Variants in REDIC1 observed in about 807,000 individuals in gnomAD.
REDIC1 encodes HEI10 Interacting Protein 1.
chr12:39,675,613 T>A, the REDIC1 span, among the ~76,000 whole-genome samples: 6 of 152,208 alleles, frequency 3.9e-5, no homozygotes, highest in Admixed American at 3.9e-4. Flanking sequence ...CTGAGTCTGT[T>A]CATGTGACAA....
chr12:39,684,468 C>T, the REDIC1 span, among the ~76,000 whole-genome samples: 7 of 152,178 alleles, frequency 4.6e-5, no homozygotes, highest in South Asian at 1.5e-3. Flanking sequence ...GTGGGATTGG[C>T]ACTACAAATT....
At chr12:39,628,361 T>C in the REDIC1 span, among the ~76,000 whole-genome samples, 1 of 152,204 alleles carries the variant, frequency 6.6e-6, no homozygotes, top group African/African-American at 2.4e-5. Flanking sequence ...TTAGTTGATC[T>C]TGGCACTCAT....
the REDIC1 span, among the ~76,000 whole-genome samples, chr12:39,694,684 A>G: frequency 6.6e-6 from 1 of 152,040 alleles, no homozygotes; most frequent in African/African-American, 2.4e-5. Flanking sequence ...AAGAACTGCA[A>G]CTCCTAGGTG....
the REDIC1 span, among the ~76,000 whole-genome samples, chr12:39,775,019 T>C: frequency 6.6e-6 from 1 of 152,188 alleles, no homozygotes; most frequent in African/African-American, 2.4e-5. Context: ...CATTAGAATA[T>C]TCATCCCCTC....
the REDIC1 span, among the ~76,000 whole-genome samples, chr12:39,861,299 TTTCCA>T: frequency 6.6e-6 from 1 of 152,208 alleles, no homozygotes; most frequent in South Asian, 2.1e-4. Flanking sequence ...TTTAAGGCAT[TTTCCA>T]TATGTTAATT....
chr12:39,674,187 T>C, the REDIC1 span, among the ~76,000 whole-genome samples: 1 of 152,222 alleles, frequency 6.6e-6, no homozygotes, highest in Non-Finnish European at 1.5e-5. Flanking sequence ...CTCTTCTTTC[T>C]TCTGTTTGCT....
At chr12:39,889,986 T>A in the REDIC1 span, among the ~76,000 whole-genome samples, 1 of 152,190 alleles carries the variant, frequency 6.6e-6, no homozygotes, top group Non-Finnish European at 1.5e-5. Context: ...TATTTTACAC[T>A]TCTACATAGT....
the REDIC1 span, among the ~76,000 whole-genome samples, chr12:39,901,128 C>T: frequency 6.6e-6 from 1 of 152,146 alleles, no homozygotes; most frequent in Non-Finnish European, 1.5e-5. Flanking sequence ...GGAAAACTGG[C>T]TAGCCATATG....
the REDIC1 span, among the ~76,000 whole-genome samples, chr12:39,897,442 T>A: frequency 6.6e-6 from 1 of 152,196 alleles, no homozygotes; most frequent in Admixed American, 6.5e-5. Flanking sequence ...TCCACTGCTA[T>A]AAGTAGGATG....
chr12:39,643,874 C>T, the REDIC1 span: 1 of 1,576,562 alleles, frequency 6.3e-7, no homozygotes, highest in African/African-American at 1.4e-5. Flanking sequence ...ACATTCTTAA[C>T]CTATATATGG....
At chr12:39,713,424 GTA>G in the REDIC1 span, among the ~76,000 whole-genome samples, 160 of 9,016 alleles carry the variant, frequency 0.018, 3 homozygotes, top group Non-Finnish European at 0.06. Context: ...ATATACATAT[GTA>G]TATATGTGTA....
chr12:39,857,780 C>T, the REDIC1 span, among the ~76,000 whole-genome samples: 1 of 152,158 alleles, frequency 6.6e-6, no homozygotes, highest in South Asian at 2.1e-4. Flanking sequence ...CTTGCTTGCT[C>T]GTTATGACCC....
At chr12:39,734,555 A>G in the REDIC1 span, among the ~76,000 whole-genome samples, 1 of 152,178 alleles carries the variant, frequency 6.6e-6, no homozygotes, top group East Asian at 1.9e-4. Flanking sequence ...AAATTTTTGT[A>G]ATGTATATAA....
chr12:39,720,814 C>A, the REDIC1 span: 1 of 1,611,286 alleles, frequency 6.2e-7, no homozygotes, highest in Non-Finnish European at 8.5e-7. Context: ...TCAAATATCA[C>A]AGCAAATTGA....
chr12:39,683,204 A>G, the REDIC1 span: 1 of 1,428,538 alleles, frequency 7.0e-7, no homozygotes, highest in Non-Finnish European at 9.4e-7. Flanking sequence ...TAGTATATAT[A>G]TTTGTATATT....
At chr12:39,706,509 G>A in the REDIC1 span, among the ~76,000 whole-genome samples, 2 of 151,874 alleles carry the variant, frequency 1.3e-5, no homozygotes, top group South Asian at 2.1e-4. Context: ...GTTATCCTAA[G>A]CAAAACAAAC....
At chr12:39,788,413 T>G in the REDIC1 span, among the ~76,000 whole-genome samples, 1 of 152,084 alleles carries the variant, frequency 6.6e-6, no homozygotes, top group African/African-American at 2.4e-5. Context: ...ACTAAATGAT[T>G]AAGGTGCAGC....
the REDIC1 span, among the ~76,000 whole-genome samples, chr12:39,707,132 T>C: frequency 6.6e-6 from 1 of 151,804 alleles, no homozygotes; most frequent in Non-Finnish European, 1.5e-5. Flanking sequence ...GGGATTAATA[T>C]AATGTATAAG....
chr12:39,630,838 G>A, the REDIC1 span, among the ~76,000 whole-genome samples: 2 of 152,130 alleles, frequency 1.3e-5, no homozygotes, highest in African/African-American at 2.4e-5. Flanking sequence ...TTTATTCTTC[G>A]TCTGTTAAAT....
Sources: allele counts gnomAD v4.1 joint callset (sites outside exome capture counted in the v4.1 genomes callset), GRCh38; gene constraint gnomAD v4.1.1; transcripts MANE v1.5; gene names NCBI Gene and HGNC (gene_info 2026-07-23, HGNC 2026-07-21).